IKZF5: variants seen among roughly 807,000 people sequenced by gnomAD.
IKZF5 encodes zinc finger protein Pegasus.
A neutral mutation model predicts 30.7 loss-of-function variants in IKZF5; 4 were observed. That is an observed-to-expected ratio of 0.13 (90% CI 0.06 to 0.30). IKZF5 has a LOEUF of 0.30. Among genes scored for constraint, IKZF5 ranks in the 10% least tolerant of loss-of-function variants. The probability of loss-of-function intolerance (pLI) is 1.00; values close to 1 mark genes in which losing one functional copy is unlikely to be tolerated. For missense variants in IKZF5, 348 were observed against 525.5 expected, an observed-to-expected ratio of 0.66 and a Z score of 3.30; for synonymous variants, 148 against 179.6, an observed-to-expected ratio of 0.82 and a Z score of 1.41.
At chr10:123,002,619 T>C (rs1849631138) in intron 2 of IKZF5, among the ~76,000 whole-genome samples, 2 of 151,640 alleles carry the variant, frequency 1.3e-5, no homozygotes, top group South Asian at 4.2e-4. Context: ...GGTCAGGAGT[T>C]CGAGACCAGC....
chr10:123,007,819 T>C (rs1361414805), intron 1 of IKZF5, among the ~76,000 whole-genome samples: 2 of 152,212 alleles, frequency 1.3e-5, no homozygotes, highest in African/African-American at 4.8e-5. Flanking sequence ...ATTTTTAAAA[T>C]TGTTAGTTCC....
intron 3 of IKZF5, chr10:122,998,283 A>G (rs538926529): frequency 3.8e-5 from 16 of 421,616 alleles, no homozygotes; most frequent in Non-Finnish European, 6.7e-5. Context: ...CTAACCTTCC[A>G]ACAAGACCAT....
Position 123,008,746 on chromosome 10 carries a change from G to A in IKZF5, c.-250C>T. ...CACCGCCTTGTTAAATGCCGTCGCC[G>A]CCGCCGCCGTCTTCGTCACCGTCAC... On this transcript the variant is annotated 5_prime_UTR_variant, in exon 1 of 5. Coordinates refer to ENST00000368886, the MANE Select transcript of IKZF5 (RefSeq NM_001372123.1). 2 of 588,864 alleles carry A rather than the reference G, an allele frequency of 3.4e-6. No individual in the cohort carries two copies. Among genetic ancestry groups the A allele is most frequent in the Non-Finnish European group, 6.1e-6 (2 of 329,122 alleles). The allele number at this position is 588,864 out of a possible 1,614,324, so 36.5% of individuals were successfully genotyped here. A position where few individuals can be genotyped will look rare whatever the true frequency, so the allele number is the denominator to read the frequency against.
In IKZF5 at chr10:122,993,880, C is replaced by T. The variant is rs528335452; in HGVS notation, c.1160G>A (p.Gly387Glu). Residue 387 changes from glycine to glutamate, a missense_variant, in exon 5 of 5, where the codon GGG (glycine) becomes GAG (glutamate). Physicochemically the swap from Gly to Glu is moderately conservative, Grantham distance 98. Coordinates refer to ENST00000368886, the MANE Select transcript of IKZF5 (RefSeq NM_001372123.1). The part of the protein sequence containing the change: ...ILYTIHMGCH[G>E]YENPFQCNIC... ...ATTACACTGAAAAGGATTTTCATAC[C>T]CATGACATCCCATATGAATAGTGTA... 68 of 1,613,888 alleles carry T rather than the reference C, an allele frequency of 4.2e-5. No homozygotes were observed. The Admixed American group carries it at 5.5e-4, about 13-fold the overall frequency.
At chr10:122,996,197 A>G in intron 3 of IKZF5, 21 bp from the exon 4 acceptor site, 1 of 1,597,442 alleles carries the variant, frequency 6.3e-7, no homozygotes, top group Non-Finnish European at 8.6e-7. Context: ...AGTACCGCAA[A>G]AGAAATTATG....
At position 122,994,239 on chromosome 10, in the gene IKZF5, G is replaced by A. The variant is rs563140698; in HGVS notation, c.801C>T (p.Pro267=). 3.1e-5 allele frequency: 50 copies of A among 1,614,052 alleles called. 1 individual carries two copies. Among genetic ancestry groups the A allele is most frequent in the South Asian group, 2.2e-4 (20 of 91,066 alleles). The change falls in exon 5 of 5, where the codon CCC becomes CCT. Residue 267 remains proline, a synonymous_variant. Transcript: ENST00000368886. This position sits in a 1 kb window ranked among gnomAD's most constrained non-coding sequence, Gnocchi z 5.6. Reference sequence around the variant, plus strand: ...CAGGGGATGCAGGGTTTTGGTTTTCGGGTGGCAGACTGGACAACTGCCCTG... The same window carrying A: ...CAGGGGATGCAGGGTTTTGGTTTTCAGGTGGCAGACTGGACAACTGCCCTG... The part of the protein sequence containing the change: ...TLAGQLSSLP[P]ENQNPASPDV...
intron 1 of IKZF5, among the ~76,000 whole-genome samples, chr10:123,008,318 G>GC (rs368494855): frequency 4.9e-4 from 75 of 152,160 alleles, no homozygotes; most frequent in African/African-American, 1.6e-3. Context: ...GGAGACCCGC[G>GC]CCCGGCTGAC....
chr10:123,005,556 C>T (rs1849749677), intron 2 of IKZF5, among the ~76,000 whole-genome samples: 1 of 152,200 alleles, frequency 6.6e-6, no homozygotes, highest in African/African-American at 2.4e-5. Flanking sequence ...CAGATGTACT[C>T]TTTCTGCTGG....
At position 122,994,532 on chromosome 10, in the gene IKZF5, T is replaced by C. The variant is rs1327894062; in HGVS notation, c.508A>G (p.Arg170Gly). 6.2e-7 allele frequency: 1 copy of C among 1,614,232 alleles called. No homozygotes were observed. The highest frequency in any genetic ancestry group is 8.5e-7 in the Non-Finnish European group (1 of 1,180,040). The change falls in exon 5 of 5, where the codon AGG becomes GGG. Residue 170 changes from arginine (R) to glycine (G), a missense_variant. Around this residue, in one of 4 missense-constraint regions of IKZF5, gnomAD observed 36 missense variants for 129.4 expected, o/e 0.28. Transcript: ENST00000368886. The surrounding 1 kb of genome is among the most constrained non-coding windows in gnomAD (Gnocchi z 5.6). Reference sequence around the variant, plus strand: ...ATTTTCTTGCTGCTTAAGGAAGACCTAGTACCTTTAATTGGTACCATTTTA... The same window carrying C: ...ATTTTCTTGCTGCTTAAGGAAGACCCAGTACCTTTAATTGGTACCATTTTA... Reference protein sequence around the residue: ...KHKMVPIKGTRSSLSSKKMWG... With the variant: ...KHKMVPIKGTGSSLSSKKMWG...
Position 122,996,102 on chromosome 10 carries a change from A to C in IKZF5, c.208T>G (p.Leu70Val), listed in dbSNP as rs1226697054. Residue 70 changes from leucine (L) to valine (V), a missense_variant, in exon 4 of 5, where the codon TTA (leucine) becomes GTA (valine). Transcript: ENST00000368886. ...AAGGTCCTTTCAAACCCGTCTACTA[A>C]CATTCCTGAGTTTTCATCCAAGGAA... ...EVSLDENSGM[L>V]VDGFERTFDG... 1.9e-6 allele frequency: 3 copies of C among 1,614,020 alleles called. No homozygotes were observed.
chr10:123,007,288 A>G (rs1849830428), intron 1 of IKZF5, 112 bp from the exon 2 acceptor site: 2 of 152,242 alleles, frequency 1.3e-5, no homozygotes, highest in African/African-American at 4.8e-5. Context: ...TCATTACATT[A>G]GCTGAAAAGA....
In IKZF5 at chr10:122,994,744, TG is replaced by T. The variant is rs1227329945; in HGVS notation, c.317-22del. 2 of 1,551,388 alleles carry T rather than the reference TG, an allele frequency of 1.3e-6. No individual in the cohort carries two copies. Among genetic ancestry groups the T allele is most frequent in the South Asian group, 2.4e-5 (2 of 82,756 alleles). ...TTCACCTGTTTCAAAAGAAAAATGATGGAGAAACTACAAGAGTAGTTCATTT... is the reference window on the plus strand; with the variant it reads ...TTCACCTGTTTCAAAAGAAAAATGATGAGAAACTACAAGAGTAGTTCATTT... On this transcript the variant is annotated intron_variant, in intron 4 of 4. Transcript: ENST00000368886. The surrounding 1 kb of genome is among the most constrained non-coding windows in gnomAD (Gnocchi z 5.6).
chr10:122,999,288 T>C (rs904655942), intron 2 of IKZF5, among the ~76,000 whole-genome samples: 30 of 152,246 alleles, frequency 2.0e-4, no homozygotes, highest in African/African-American at 7.0e-4. Context: ...CTAATACATA[T>C]GACCTGAGTT....
chr10:122,996,127 A>C lies in IKZF5; in HGVS notation c.183T>G (p.Val61=). 1 of 1,614,124 alleles carries C rather than the reference A, an allele frequency of 6.2e-7. No homozygotes were observed. The highest frequency in any genetic ancestry group is 8.5e-7 in the Non-Finnish European group (1 of 1,180,020). The stretch of plus-strand genomic sequence containing the variant: ...ACATTCCTGAGTTTTCATCCAAGGA[A>C]ACTTCAACAGATGGGTGATCAAGTC... ...QNGLDHPSVE[V]SLDENSGMLV... The change falls in exon 4 of 5, where the codon GTT becomes GTG. Residue 61 remains valine (V), a synonymous_variant. Transcript: ENST00000368886.
At position 123,007,405 on chromosome 10, in the gene IKZF5, T is replaced by C. The variant is rs113903726; in HGVS notation, c.-197-229A>G. Among the ~76,000 whole-genome samples the C allele has an allele frequency of 3.1e-3, 471 of 152,288 alleles. 3 individuals are homozygous for C. Among genetic ancestry groups the C allele is most frequent in the African/African-American group, 0.011 (444 of 41,558 alleles). On this transcript the variant is annotated intron_variant, in intron 1 of 4. Transcript: ENST00000368886. ...GGTGTGACTACCGTTTTCTCACTGG[T>C]GGATTAGTTTTTGGCAAGATTTTTA...
intron 2 of IKZF5, among the ~76,000 whole-genome samples, chr10:123,006,300 T>C (rs1849778435): frequency 1.3e-5 from 2 of 152,354 alleles, no homozygotes; most frequent in South Asian, 4.1e-4. Flanking sequence ...AGGATTTATT[T>C]TGTATGAAGT....
intron 3 of IKZF5, among the ~76,000 whole-genome samples, chr10:122,997,963 C>T (rs974898590): frequency 2.6e-5 from 4 of 152,254 alleles, no homozygotes; most frequent in South Asian, 4.1e-4. Flanking sequence ...TGCTGACCTC[C>T]GAGCTAGGTT....
chr10:123,003,245 G>C (rs1442241824), intron 2 of IKZF5, among the ~76,000 whole-genome samples: 1 of 75,852 alleles, frequency 1.3e-5, no homozygotes, highest in Admixed American at 1.4e-4. Flanking sequence ...GACTTTTGTG[G>C]GGGGGGGGGT....
intron 1 of IKZF5, among the ~76,000 whole-genome samples, chr10:123,008,038 T>C (rs1849872753): frequency 6.6e-6 from 1 of 152,070 alleles, no homozygotes; most frequent in Admixed American, 6.5e-5. Context: ...TCGAGCATGC[T>C]AGGCTTGGCT....
Sources: allele counts gnomAD v4.1 joint callset (sites outside exome capture counted in the v4.1 genomes callset), GRCh38; gene constraint gnomAD v4.1.1; regional missense constraint gnomAD v4.1.1; non-coding constraint Gnocchi (gnomAD v3.1); transcripts MANE v1.5; gene names NCBI Gene and HGNC (gene_info 2026-07-23, HGNC 2026-07-21).